Variants in CAST observed in about 807,000 individuals in gnomAD.
The protein encoded by CAST is MIR583 host.
In CAST, 76 loss-of-function variants were observed where a neutral mutation model predicts 119.6. The observed-to-expected ratio is 0.64, with a 90% CI of 0.53 to 0.77. The LOEUF (loss-of-function observed/expected upper bound fraction) is 0.77, where lower values mean the gene tolerates loss of function less well. Ranked by LOEUF, CAST falls within the 30% of genes least tolerant of loss-of-function variation. The pLI, the probability that CAST is intolerant of heterozygous loss-of-function variation, is 0.00. For synonymous variants in CAST, 319 were observed against 331.6 expected (o/e 0.96, Z 0.41); for missense variants, 953 against 946.5 (o/e 1.01, Z -0.09).
At chr5:96,003,486 C>T in the CAST span, among the ~76,000 whole-genome samples, 2 of 143,768 alleles carry the variant, frequency 1.4e-5, no homozygotes, top group African/African-American at 2.6e-5. Context: ...TGCAGTGAGC[C>T]GAGATGGCGC....
At chr5:96,711,008 C>T (rs564984261) in intron 3 of CAST, among the ~76,000 whole-genome samples, 1 of 152,256 alleles carries the variant, frequency 6.6e-6, no homozygotes, top group Admixed American at 6.5e-5. Context: ...GAATTATTCT[C>T]ACAGTGTTAT....
At chr5:96,488,849 T>G in the CAST span, among the ~76,000 whole-genome samples, 1 of 152,298 alleles carries the variant, frequency 6.6e-6, no homozygotes, top group South Asian at 2.1e-4. Context: ...TGGGGAGAAA[T>G]AAGAACAAGA....
At chr5:96,423,276 C>T in the CAST span, 1 of 1,581,098 alleles carries the variant, frequency 6.3e-7, no homozygotes, top group Non-Finnish European at 8.6e-7. Context: ...GCACAGACAG[C>T]TCCCTAAGTC....
chr5:96,590,769 CACA>C (rs753710665), intron 1 of CAST, among the ~76,000 whole-genome samples: 8 of 152,140 alleles, frequency 5.3e-5, no homozygotes, highest in Non-Finnish European at 8.8e-5. Flanking sequence ...GTAAGATCTG[CACA>C]ACAACTAAAC....
At chr5:96,076,558 G>A in the CAST span, among the ~76,000 whole-genome samples, 1 of 152,186 alleles carries the variant, frequency 6.6e-6, no homozygotes, top group Non-Finnish European at 1.5e-5. Context: ...CAACTTTGGA[G>A]CCATCCTTAC....
the CAST span, among the ~76,000 whole-genome samples, chr5:96,175,204 A>G: frequency 2.0e-5 from 3 of 152,268 alleles, no homozygotes; most frequent in Admixed American, 2.0e-4. Flanking sequence ...GTACTACACT[A>G]TAATAGTTTG....
At chr5:95,969,338 A>G in the CAST span, among the ~76,000 whole-genome samples, 51 of 152,284 alleles carry the variant, frequency 3.3e-4, no homozygotes, top group African/African-American at 1.2e-3. Flanking sequence ...AAGTATAAGT[A>G]ATGGATTGGA....
chr5:96,644,604 T>C (rs1747993817), intron 1 of CAST, among the ~76,000 whole-genome samples: 1 of 152,186 alleles, frequency 6.6e-6, no homozygotes, highest in Non-Finnish European at 1.5e-5. Flanking sequence ...CAGTTTCAAT[T>C]TCCCCTGATG....
chr5:96,527,108 A>G (rs976375091), upstream of CAST, among the ~76,000 whole-genome samples: 7 of 152,236 alleles, frequency 4.6e-5, no homozygotes, highest in Non-Finnish European at 8.8e-5. Flanking sequence ...TAAAGTAAGC[A>G]TAGAGAACAG....
chr5:96,631,604 G>T lies in CAST; in HGVS notation c.61-43935G>T, dbSNP rs1277820350. 3.0e-5 allele frequency among the ~76,000 whole-genome samples: 4 copies of T among 131,776 alleles called. 1 individual carries two copies. Among genetic ancestry groups the T allele is most frequent in the Non-Finnish European group, 5.0e-5 (3 of 59,962 alleles). 86.5% of individuals were successfully genotyped at this position (131,776 alleles called of 152,430 possible). A position where few individuals can be genotyped will look rare whatever the true frequency, so the allele number is the denominator to read the frequency against. On this transcript the variant is annotated intron_variant, in intron 1 of 11. Transcript: ENST00000505143. ...GAATACTTTTTTTTTTTTTTGAGAC[G>T]GAGTCTTGCTCTGTCTCCCAGGCTG...
the CAST span, among the ~76,000 whole-genome samples, chr5:96,506,744 C>A: frequency 6.6e-6 from 1 of 152,166 alleles, no homozygotes; most frequent in Admixed American, 6.5e-5. Context: ...AGTAAAAAGA[C>A]CTCCACATAG....
At chr5:95,976,884 T>C in the CAST span, among the ~76,000 whole-genome samples, 1 of 152,154 alleles carries the variant, frequency 6.6e-6, no homozygotes, top group Admixed American at 6.5e-5. Context: ...GTTTTCCAGT[T>C]GGTGTATTTG....
At chr5:96,644,805 T>G (rs1469650822) in intron 1 of CAST, among the ~76,000 whole-genome samples, 3 of 152,152 alleles carry the variant, frequency 2.0e-5, no homozygotes, top group Admixed American at 6.5e-5. Context: ...TGAAACCCCG[T>G]GTCTACTAAA....
the CAST span, chr5:96,423,578 GA>G: frequency 1.1e-6 from 1 of 880,104 alleles, no homozygotes; most frequent in Non-Finnish European, 1.9e-6. Flanking sequence ...CTACTCTTTA[GA>G]AGAAGCCAAT....
chr5:96,687,796 G>A (rs1477532530), intron 2 of CAST, among the ~76,000 whole-genome samples: 2 of 152,142 alleles, frequency 1.3e-5, no homozygotes, highest in Non-Finnish European at 2.9e-5. Flanking sequence ...GTTTCACTTA[G>A]TACTTAAGAT....
chr5:96,658,265 C>T (rs1339966803), upstream of CAST, among the ~76,000 whole-genome samples: 2 of 150,788 alleles, frequency 1.3e-5, no homozygotes, highest in Non-Finnish European at 2.9e-5. Flanking sequence ...TGTTGCCTAA[C>T]AAATGTTAAA....
chr5:96,316,816 G>C, the CAST span, among the ~76,000 whole-genome samples: 1 of 152,144 alleles, frequency 6.6e-6, no homozygotes, highest in Non-Finnish European at 1.5e-5. Context: ...GGTTATATAT[G>C]CTGTAATTAC....
intron 1 of CAST, among the ~76,000 whole-genome samples, chr5:96,643,600 C>T (rs994427190): frequency 2.0e-5 from 3 of 151,914 alleles, no homozygotes; most frequent in Admixed American, 1.3e-4. Context: ...ATGGGCCAGG[C>T]GCAATGGCTC....
At chr5:96,674,852 G>A (rs542244702) in intron 1 of CAST, among the ~76,000 whole-genome samples, 4 of 152,200 alleles carry the variant, frequency 2.6e-5, no homozygotes, top group East Asian at 1.9e-4. Context: ...TGTTTGAGGC[G>A]ACAGATTTAG....
Sources: gnomAD v4.1 joint callset for allele counts (sites outside exome capture counted in the v4.1 genomes callset) on GRCh38, gnomAD v4.1.1 for gene constraint, MANE v1.5 for transcripts, NCBI Gene and HGNC (gene_info 2026-07-23, HGNC 2026-07-21) for gene names.